Variants in LRBA observed in about 807,000 individuals in gnomAD.
LRBA encodes the protein lipopolysaccharide-responsive and beige-like anchor protein.
A neutral mutation model predicts 330.0 loss-of-function variants in LRBA; 176 were observed. The ratio of observed to expected loss-of-function variants is 0.53; its 90% CI spans 0.47 to 0.60. The LOEUF (loss-of-function observed/expected upper bound fraction) is 0.60, where lower values mean the gene tolerates loss of function less well. LRBA is among the 20% of genes least tolerant of loss of function. The probability of loss-of-function intolerance (pLI) is 0.00; values close to 1 mark genes in which losing one functional copy is unlikely to be tolerated. For synonymous variants in LRBA, 1,230 were observed against 1,193.0 expected, an observed-to-expected ratio of 1.03 and a Z score of -0.64; for missense variants, 3,259 against 3,444.8, an observed-to-expected ratio of 0.95 and a Z score of 1.35.
chr4:150,912,623 C>T (rs1288552657), intron 9 of LRBA, among the ~76,000 whole-genome samples: 2 of 152,180 alleles, frequency 1.3e-5, no homozygotes, highest in African/African-American at 4.8e-5. Context: ...CCCCACCACC[C>T]GTGGTCCATG....
intron 36 of LRBA, among the ~76,000 whole-genome samples, chr4:150,733,178 G>A (rs754102172): frequency 6.6e-5 from 10 of 151,940 alleles, no homozygotes; most frequent in South Asian, 2.1e-4. Flanking sequence ...TTTTTGTGAC[G>A]TAAAATTTTC....
At chr4:150,639,739 A>ATATATATATATATATGTGTGTATG (rs1561456791) in intron 37 of LRBA, among the ~76,000 whole-genome samples, 26 of 1,666 alleles carry the variant, frequency 0.016, 10 homozygotes, top group Non-Finnish European at 0.026. Flanking sequence ...TGCCCCAAAT[A>ATATATATATATATATGTGTGTATG]TATATATATA....
chr4:150,676,612 G>C (rs141643609), intron 37 of LRBA, among the ~76,000 whole-genome samples: 99 of 152,230 alleles, frequency 6.5e-4, no homozygotes, highest in African/African-American at 2.1e-3. Context: ...AATTATTGCT[G>C]TGGTTCTCAA....
At chr4:150,517,992 T>TC (rs1762539780) in intron 40 of LRBA, among the ~76,000 whole-genome samples, 1 of 152,200 alleles carries the variant, frequency 6.6e-6, no homozygotes, top group African/African-American at 2.4e-5. Flanking sequence ...AATTTCTTAT[T>TC]CCCTCTTCAC....
intron 39 of LRBA, among the ~76,000 whole-genome samples, chr4:150,590,291 G>A (rs1772646535): frequency 6.7e-6 from 1 of 148,622 alleles, no homozygotes; most frequent in South Asian, 2.1e-4. Context: ...AGAGTTACAT[G>A]CATATACAGC....
At chr4:150,870,679 A>T (rs1753320386) in intron 19 of LRBA, 73 bp from the exon 20 acceptor site, 2 of 739,576 alleles carry the variant, frequency 2.7e-6, no homozygotes, top group South Asian at 3.0e-5. Flanking sequence ...CTTTAAGTGC[A>T]TCACTATTAA....
At chr4:150,661,433 G>T (rs1781085999) in intron 37 of LRBA, among the ~76,000 whole-genome samples, 2 of 140,754 alleles carry the variant, frequency 1.4e-5, no homozygotes, top group Admixed American at 1.5e-4. Flanking sequence ...TCGTGCCACT[G>T]CCCTCCAGCC....
chr4:150,603,113 C>T (rs1774287764), intron 37 of LRBA, among the ~76,000 whole-genome samples: 1 of 152,178 alleles, frequency 6.6e-6, no homozygotes, highest in Admixed American at 6.5e-5. Context: ...TCTGGAAATA[C>T]TATTTCCTTC....
chr4:150,463,173 C>G (rs1382872238), intron 44 of LRBA, among the ~76,000 whole-genome samples: 1 of 151,892 alleles, frequency 6.6e-6, no homozygotes, highest in Non-Finnish European at 1.5e-5. Context: ...TAGTAGAATT[C>G]CATTCTCATG....
At chr4:150,948,809 AAAG>A (rs1736505827) in intron 2 of LRBA, among the ~76,000 whole-genome samples, 1 of 152,124 alleles carries the variant, frequency 6.6e-6, no homozygotes, top group Non-Finnish European at 1.5e-5. Flanking sequence ...AAGAAGACAT[AAAG>A]AAGACACATA....
At chr4:150,396,540 C>T (rs1200769773) in intron 47 of LRBA, among the ~76,000 whole-genome samples, 1 of 150,590 alleles carries the variant, frequency 6.6e-6, no homozygotes, top group Admixed American at 6.6e-5. Context: ...TATCACTTAT[C>T]CTGGCATCCC....
At position 150,583,741 on chromosome 4, in the gene LRBA, G is replaced by C; in HGVS notation, c.6330+4307C>G. ...CTGGGTGCTACAGTTCGGGGAGGCG[G>C]AGAACCGCCTGCTGATGGGCGGCTG... is the stretch of plus-strand genomic sequence containing the variant. On this transcript the variant is annotated intron_variant, in intron 40 of 56. Coordinates refer to ENST00000651943, the MANE Select transcript of LRBA (RefSeq NM_001364905.1). This position sits in a 1 kb window ranked among gnomAD's most constrained non-coding sequence, Gnocchi z 9.8. 1 of 1,613,720 alleles carries C rather than the reference G, an allele frequency of 6.2e-7. No individual in the cohort carries two copies. The highest frequency in any genetic ancestry group is 8.5e-7 in the Non-Finnish European group (1 of 1,179,856).
intron 28 of LRBA, among the ~76,000 whole-genome samples, chr4:150,841,655 T>C (rs1749095374): frequency 2.0e-5 from 3 of 152,138 alleles, no homozygotes; most frequent in Admixed American, 6.5e-5. Context: ...TTTTAAATTT[T>C]TTTATTTTAT....
intron 42 of LRBA, among the ~76,000 whole-genome samples, chr4:150,475,725 T>C (rs1174275478): frequency 6.7e-6 from 1 of 148,806 alleles, no homozygotes; most frequent in Non-Finnish European, 1.5e-5. Flanking sequence ...GAAGACCCTA[T>C]CTCTATAAAA....
chr4:150,921,733 T>C (rs1013360183), intron 4 of LRBA, among the ~76,000 whole-genome samples: 3 of 152,066 alleles, frequency 2.0e-5, no homozygotes, highest in Non-Finnish European at 4.4e-5. Flanking sequence ...CAGCTAATTT[T>C]TTTTTCTTTC....
chr4:150,583,680 G>T lies in LRBA; in HGVS notation c.6330+4368C>A, dbSNP rs928850958. On this transcript the variant is annotated intron_variant, in intron 40 of 56. Coordinates refer to ENST00000651943, the MANE Select transcript of LRBA (RefSeq NM_001364905.1). This position sits in a 1 kb window ranked among gnomAD's most constrained non-coding sequence, Gnocchi z 9.8. Reference sequence around the variant, plus strand: ...ACTTGCTCTCGAAGGAGTGCTACTCGCTGACCGGCAAGCAGAGCTCGGCAG... The same window carrying T: ...ACTTGCTCTCGAAGGAGTGCTACTCTCTGACCGGCAAGCAGAGCTCGGCAG... 2.5e-6 allele frequency: 4 copies of T among 1,613,634 alleles called. No individual in the cohort carries two copies. Among genetic ancestry groups the T allele is most frequent in the Admixed American group, 3.3e-5 (2 of 59,972 alleles).
intron 46 of LRBA, among the ~76,000 whole-genome samples, chr4:150,424,838 A>G (rs1408150807): frequency 6.6e-6 from 1 of 152,252 alleles, no homozygotes; most frequent in East Asian, 1.9e-4. Flanking sequence ...AAAACATTGA[A>G]TGAAATGACG....
intron 34 of LRBA, among the ~76,000 whole-genome samples, chr4:150,781,092 G>A (rs1025077430): frequency 6.6e-6 from 1 of 151,994 alleles, no homozygotes; most frequent in Non-Finnish European, 1.5e-5. Context: ...TGTTAGCCAG[G>A]ATGGTCTCGA....
At chr4:150,709,851 C>T (rs1157596393) in intron 36 of LRBA, among the ~76,000 whole-genome samples, 2 of 151,912 alleles carry the variant, frequency 1.3e-5, no homozygotes, top group Non-Finnish European at 2.9e-5. Flanking sequence ...GAGAAGGCTT[C>T]TGTGTAAAAG....
Sources: gnomAD v4.1 joint callset for allele counts (sites outside exome capture counted in the v4.1 genomes callset) on GRCh38, gnomAD v4.1.1 for gene constraint, Gnocchi (gnomAD v3.1) non-coding constraint, MANE v1.5 for transcripts, NCBI Gene and HGNC (gene_info 2026-07-23, HGNC 2026-07-21) for gene names.